PTPRD: variants seen among roughly 807,000 people sequenced by gnomAD.
PTPRD encodes the protein receptor-type tyrosine-protein phosphatase delta.
A neutral mutation model predicts 214.5 loss-of-function variants in PTPRD; 34 were observed. The ratio of observed to expected loss-of-function variants is 0.16; its 90% CI spans 0.12 to 0.21. PTPRD has a LOEUF of 0.21. PTPRD is among the 10% of genes least tolerant of loss of function. PTPRD has a pLI of 1.00. For synonymous variants in PTPRD, 1,128 were observed against 845.7 expected, an observed-to-expected ratio of 1.33 and a Z score of -5.79; for missense variants, 2,545 against 2,398.7, an observed-to-expected ratio of 1.06 and a Z score of -1.27.
At chr9:10,560,404 G>C (rs1205613304) in intron 2 of PTPRD, among the ~76,000 whole-genome samples, 1 of 150,382 alleles carries the variant, frequency 6.6e-6, no homozygotes, top group African/African-American at 2.4e-5. Context: ...TCTGGGGACA[G>C]TTGTGGGGTG....
intron 9 of PTPRD, among the ~76,000 whole-genome samples, chr9:9,382,319 G>C (rs538972671): frequency 4.6e-5 from 7 of 152,076 alleles, no homozygotes; most frequent in South Asian, 2.1e-4. Context: ...TGACATTTTG[G>C]ATATGATAAC....
intron 6 of PTPRD, among the ~76,000 whole-genome samples, chr9:9,747,341 T>C (rs957131019): frequency 6.6e-6 from 1 of 152,048 alleles, no homozygotes; most frequent in Non-Finnish European, 1.5e-5. Context: ...GGTTTCAGCA[T>C]CTCCATTTCT....
At chr9:9,593,130 GGAAA>G (rs2092917400) in intron 7 of PTPRD, among the ~76,000 whole-genome samples, 6 of 138,938 alleles carry the variant, frequency 4.3e-5, no homozygotes, top group Non-Finnish European at 6.2e-5. Flanking sequence ...GGAAAGGAAA[GGAAA>G]GGAAAGGGAA....
chr9:8,941,241 G>A lies in PTPRD; in HGVS notation c.-104+77456C>T, dbSNP rs566562334. On this transcript the variant is annotated intron_variant, in intron 11 of 45. Transcript: ENST00000381196. ...TCAACCTTGTGAAATCAATAAGGAA[G>A]CATTTACTAAAATGCTTACTAAAAC... is the stretch of plus-strand genomic sequence containing the variant. 2.1e-4 allele frequency among the ~76,000 whole-genome samples: 32 copies of A among 152,230 alleles called. No individual in the cohort carries two copies. The South Asian group carries it at 6.6e-3, about 32-fold the overall frequency.
chr9:8,342,326 G>T (rs1035884299), intron 39 of PTPRD, among the ~76,000 whole-genome samples: 5 of 152,038 alleles, frequency 3.3e-5, no homozygotes, highest in Non-Finnish European at 7.4e-5. Flanking sequence ...TCCATATTTA[G>T]AAGATAGTTT....
chr9:9,855,556 T>C (rs568225724), intron 5 of PTPRD, among the ~76,000 whole-genome samples: 64 of 152,232 alleles, frequency 4.2e-4, no homozygotes, highest in Admixed American at 1.1e-3. Context: ...TGAGGGTGCC[T>C]CATTTCCTCA....
rs145997842 is a variant in PTPRD at position 8,593,631 on chromosome 9, T to G, written c.352+39686A>C. Among the ~76,000 whole-genome samples the G allele has an allele frequency of 2.3e-3, 344 of 152,288 alleles. 1 individual carries two copies. Among genetic ancestry groups the G allele is most frequent in the African/African-American group, 7.9e-3 (329 of 41,560 alleles). ...CTTAATAGCAGAAATGTCTCACAAT[T>G]TGATTCTTTATTGGTGTGAAACACT... On this transcript the variant is annotated intron_variant, in intron 14 of 45. Coordinates refer to ENST00000381196, the MANE Select transcript of PTPRD (RefSeq NM_002839.4).
At chr9:10,091,256 C>G (rs986216550) in intron 3 of PTPRD, among the ~76,000 whole-genome samples, 1 of 151,364 alleles carries the variant, frequency 6.6e-6, no homozygotes, top group African/African-American at 2.4e-5. Flanking sequence ...ATAAAATAAT[C>G]ATTTATGTCT....
chr9:8,706,576 T>C (rs2098215022), intron 12 of PTPRD, among the ~76,000 whole-genome samples: 1 of 152,166 alleles, frequency 6.6e-6, no homozygotes, highest in Non-Finnish European at 1.5e-5. Flanking sequence ...ACAGAGCGAT[T>C]ATCCCAAGGC....
intron 11 of PTPRD, among the ~76,000 whole-genome samples, chr9:8,866,458 C>A (rs1199760269): frequency 1.3e-5 from 2 of 151,988 alleles, no homozygotes; most frequent in East Asian, 3.9e-4. Context: ...CAATCTATGC[C>A]CCAACGTGCT....
intron 2 of PTPRD, among the ~76,000 whole-genome samples, chr9:10,408,941 C>T (rs1278439451): frequency 6.6e-6 from 1 of 151,666 alleles, no homozygotes; most frequent in Non-Finnish European, 1.5e-5. Context: ...GACTATAAAC[C>T]TGTTCAATAG....
intron 9 of PTPRD, among the ~76,000 whole-genome samples, chr9:9,314,750 T>C (rs1195432271): frequency 4.6e-5 from 7 of 152,100 alleles, no homozygotes; most frequent in Admixed American, 4.6e-4. Context: ...TGAATGGTTT[T>C]TATTTTCATT....
chr9:8,623,143 CCT>C (rs1484671335), intron 14 of PTPRD, among the ~76,000 whole-genome samples: 1 of 151,636 alleles, frequency 6.6e-6, no homozygotes, highest in Non-Finnish European at 1.5e-5. Context: ...AAAGTGGTAC[CCT>C]GTCTCTAAAA....
At chr9:10,306,029 C>A (rs952652895) in intron 3 of PTPRD, among the ~76,000 whole-genome samples, 1 of 151,992 alleles carries the variant, frequency 6.6e-6, no homozygotes, top group Non-Finnish European at 1.5e-5. Flanking sequence ...ACCCAAATGC[C>A]CATCAATGAT....
At chr9:8,910,916 A>G (rs1434883039) in intron 11 of PTPRD, among the ~76,000 whole-genome samples, 3 of 152,232 alleles carry the variant, frequency 2.0e-5, no homozygotes, top group Non-Finnish European at 4.4e-5. Context: ...TTGTACACAG[A>G]AGACTACAAA....
At chr9:10,109,162 A>T (rs1261004235) in intron 3 of PTPRD, among the ~76,000 whole-genome samples, 1 of 152,152 alleles carries the variant, frequency 6.6e-6, no homozygotes, top group Non-Finnish European at 1.5e-5. Flanking sequence ...GGAGGCTAAA[A>T]AGAGGTTTTC....
chr9:9,933,259 T>A (rs1186098953), intron 5 of PTPRD, among the ~76,000 whole-genome samples: 2 of 152,184 alleles, frequency 1.3e-5, no homozygotes, highest in East Asian at 3.8e-4. Flanking sequence ...GAGTACATGC[T>A]CCAATTAAAA....
intron 12 of PTPRD, among the ~76,000 whole-genome samples, chr9:8,650,260 T>G (rs966960855): frequency 6.6e-6 from 1 of 151,586 alleles, no homozygotes; most frequent in East Asian, 2.0e-4. Flanking sequence ...ACGGGCACGG[T>G]GGCTCACGCC....
chr9:8,932,448 T>C (rs2098959469), intron 11 of PTPRD, among the ~76,000 whole-genome samples: 1 of 152,196 alleles, frequency 6.6e-6, no homozygotes, highest in Non-Finnish European at 1.5e-5. Context: ...GGTTGTTCAG[T>C]TTCCATGTAG....
Sources: allele counts gnomAD v4.1 joint callset (sites outside exome capture counted in the v4.1 genomes callset), GRCh38; gene constraint gnomAD v4.1.1; transcripts MANE v1.5; gene names NCBI Gene and HGNC (gene_info 2026-07-23, HGNC 2026-07-21).